The following DCAF6 variants were observed in gnomAD, a reference collection of about 807,000 sequenced individuals.
DCAF6 encodes DDB1 and CUL4 associated factor 6, also known as DDB1- and CUL4-associated factor 6.
Under a neutral mutation model 125.1 loss-of-function variants are expected in DCAF6, and 54 were observed. The ratio of observed to expected loss-of-function variants is 0.43; its 90% CI spans 0.35 to 0.54. DCAF6 has a LOEUF of 0.54. Ranked by LOEUF, DCAF6 falls within the 20% of genes least tolerant of loss-of-function variation. The pLI, the probability that DCAF6 is intolerant of heterozygous loss-of-function variation, is 0.01. For missense variants in DCAF6, 934 were observed against 1,161.7 expected, an observed-to-expected ratio of 0.80 and a Z score of 2.85; for synonymous variants, 371 against 390.4, an observed-to-expected ratio of 0.95 and a Z score of 0.58.
intron 2 of DCAF6, among the ~76,000 whole-genome samples, chr1:167,953,417 TAACA>T (rs1436083456): frequency 1.3e-5 from 2 of 152,230 alleles, no homozygotes; most frequent in Non-Finnish European, 2.9e-5. Context: ...GCATTATAAT[TAACA>T]AACCAATTTA....
the DCAF6 span, among the ~76,000 whole-genome samples, chr1:167,907,980 C>T: frequency 7.9e-5 from 12 of 152,076 alleles, no homozygotes; most frequent in Admixed American, 2.6e-4. Flanking sequence ...ATTGAAAGTA[C>T]GGCCATTATG....
the DCAF6 span, among the ~76,000 whole-genome samples, chr1:167,901,207 T>C: frequency 1.3e-5 from 2 of 152,348 alleles, no homozygotes; most frequent in Middle Eastern, 6.8e-3. Context: ...GCTGGAGCTG[T>C]GTTGCAGGCT....
rs746769749 is a variant in DCAF6 at position 167,936,863 on chromosome 1, C to T, written c.-49C>T. ...GAAACGGGTGTCCCCTCCCCCTCCT[C>T]CCCTCCCCCACGCGGTGGTCTCCCC... On this transcript the variant is annotated 5_prime_UTR_variant, in exon 1 of 22. Coordinates refer to ENST00000367840, the MANE Select transcript of DCAF6 (RefSeq NM_001198956.2). 5.2e-6 allele frequency: 6 copies of T among 1,145,722 alleles called. No homozygotes were observed. The highest frequency in any genetic ancestry group is 1.3e-5 in the South Asian group (1 of 76,092). The allele number at this position is 1,145,722 out of a possible 1,614,324, so 71.0% of individuals were successfully genotyped here. A position where few individuals can be genotyped will look rare whatever the true frequency, so the allele number is the denominator to read the frequency against.
At chr1:168,012,966 TAGAG>T (rs1684500902) in intron 10 of DCAF6, among the ~76,000 whole-genome samples, 2 of 152,182 alleles carry the variant, frequency 1.3e-5, no homozygotes, top group African/African-American at 2.4e-5. Context: ...GGTAACTCAA[TAGAG>T]AGGGTTGACA....
chr1:167,985,151 T>C (rs1353914545), intron 4 of DCAF6, among the ~76,000 whole-genome samples: 1 of 151,818 alleles, frequency 6.6e-6, no homozygotes, highest in African/African-American at 2.4e-5. Context: ...CAATTCAAGA[T>C]AAGATTTAGG....
At chr1:167,937,551 C>T (rs1671490921) in intron 1 of DCAF6, among the ~76,000 whole-genome samples, 2 of 152,172 alleles carry the variant, frequency 1.3e-5, no homozygotes, top group East Asian at 1.9e-4. Context: ...TGAGCTCTCC[C>T]CACCCCCGCG....
chr1:167,988,809 G>T (rs923026891), intron 5 of DCAF6, among the ~76,000 whole-genome samples: 6 of 152,038 alleles, frequency 3.9e-5, no homozygotes, highest in Non-Finnish European at 8.8e-5. Context: ...GGCTGGGTGC[G>T]GTGGCTCATG....
the DCAF6 span, among the ~76,000 whole-genome samples, chr1:167,878,104 A>T: frequency 6.6e-6 from 1 of 152,226 alleles, no homozygotes; most frequent in South Asian, 2.1e-4. Flanking sequence ...CTCGGCATAC[A>T]GTTGACATAA....
rs924378075 is a variant in DCAF6, at chr1:168,062,938, G to A, written c.2301-683G>A. Among the ~76,000 whole-genome samples, 114 of 146,502 alleles carry A rather than the reference G, an allele frequency of 7.8e-4. 1 individual carries two copies. The South Asian group carries it at 0.022, about 29-fold the overall frequency. Reference sequence around the variant, plus strand: ...CTTTTTTTTTTTTTTTTGAGACAGAGTCTCGCTCTGTCACCCAGGCTGGAG... The same window carrying A: ...CTTTTTTTTTTTTTTTTGAGACAGAATCTCGCTCTGTCACCCAGGCTGGAG... On this transcript the variant is annotated intron_variant, in intron 17 of 21. Coordinates refer to ENST00000367840, the MANE Select transcript of DCAF6 (RefSeq NM_001198956.2).
intron 4 of DCAF6, among the ~76,000 whole-genome samples, chr1:167,978,308 T>A (rs971386910): frequency 2.0e-5 from 3 of 152,196 alleles, no homozygotes. Context: ...TTTTCCAAAG[T>A]GTAGTAACGA....
Position 167,941,129 on chromosome 1 carries a change from G to A in DCAF6, c.97+4121G>A, listed in dbSNP as rs371742109. On this transcript the variant is annotated intron_variant, in intron 1 of 21. Transcript: ENST00000367840. Reference sequence around the variant, plus strand: ...CTTCTGACTTTTGCCTCTTTTTTTAGCCATTGGGGAAAAGTTAGTGAAATA... The same window carrying A: ...CTTCTGACTTTTGCCTCTTTTTTTAACCATTGGGGAAAAGTTAGTGAAATA... Among the ~76,000 whole-genome samples, 122 of 151,822 alleles carry A rather than the reference G, an allele frequency of 8.0e-4. 1 individual carries two copies. The South Asian group carries it at 0.023, about 28-fold the overall frequency.
Position 168,008,281 on chromosome 1 carries a change from T to C in DCAF6, c.1378+3488T>C, listed in dbSNP as rs144725303. Among the ~76,000 whole-genome samples the C allele has an allele frequency of 2.6e-3, 403 of 152,274 alleles. 2 individuals carry two copies. The highest frequency in any genetic ancestry group is 9.4e-3 in the African/African-American group (391 of 41,552). On this transcript the variant is annotated intron_variant, in intron 10 of 21. Transcript: ENST00000367840. ...ACTGCACCCGGCCTATTGTTGTACGTCATAAATCTACATGTTCAAACTAAA... is the reference window on the plus strand; with the variant it reads ...ACTGCACCCGGCCTATTGTTGTACGCCATAAATCTACATGTTCAAACTAAA...
Position 167,946,876 on chromosome 1 carries a change from G to A in DCAF6, c.98-4924G>A, listed in dbSNP as rs1027347620. 9.2e-5 allele frequency among the ~76,000 whole-genome samples: 14 copies of A among 152,258 alleles called. 1 individual carries two copies. The highest frequency in any genetic ancestry group is 2.1e-4 in the Non-Finnish European group (14 of 68,004). On this transcript the variant is annotated intron_variant, in intron 1 of 21. Coordinates refer to ENST00000367840, the MANE Select transcript of DCAF6 (RefSeq NM_001198956.2). ...CCTTCTTTGGTTTTGTTATCAGGGC[G>A]ATAATGGCCTTATAGAATAAGTTAG...
In DCAF6 at chr1:167,938,110, C is replaced by G. The variant is rs1414801356; in HGVS notation, c.97+1102C>G. On this transcript the variant is annotated intron_variant, in intron 1 of 21. Coordinates refer to ENST00000367840, the MANE Select transcript of DCAF6 (RefSeq NM_001198956.2). Reference sequence around the variant, plus strand: ...CGAATACATTTTGTTTATAAAAACTCAATAAAAATGAAGCAAAAATCCCTT... The same window carrying G: ...CGAATACATTTTGTTTATAAAAACTGAATAAAAATGAAGCAAAAATCCCTT... Among the ~76,000 whole-genome samples the G allele has an allele frequency of 1.3e-5, 2 of 152,110 alleles. 1 individual carries two copies. Among genetic ancestry groups the G allele is most frequent in the Non-Finnish European group, 2.9e-5 (2 of 68,006 alleles).
chr1:167,962,548 T>C lies in DCAF6; in HGVS notation c.160-4081T>C, dbSNP rs372264746. 3.3e-5 allele frequency among the ~76,000 whole-genome samples: 5 copies of C among 152,362 alleles called. No individual in the cohort carries two copies. The East Asian group carries it at 9.6e-4, about 29-fold the overall frequency. ...TCTTTTGATTTGTATTAGTATGATA[T>C]ATTTTTCTCAATCCATTTACTTTTA... is the stretch of plus-strand genomic sequence containing the variant. On this transcript the variant is annotated intron_variant, in intron 2 of 21. Coordinates refer to ENST00000367840, the MANE Select transcript of DCAF6 (RefSeq NM_001198956.2).
In DCAF6 at chr1:168,033,021, T is replaced by TA. The variant is rs1687300841; in HGVS notation, c.1610-5349dup. Among the ~76,000 whole-genome samples, 2 of 151,896 alleles carry TA rather than the reference T, an allele frequency of 1.3e-5. 1 individual carries two copies. The highest frequency in any genetic ancestry group is 4.2e-4 in the South Asian group (2 of 4,812). ...ATAAAATACTCAGCATTTTTTTTTT[T>TA]ACTATGGTTATCACATGTGTTTTTG... On this transcript the variant is annotated intron_variant, in intron 12 of 21. Transcript: ENST00000367840.
intron 10 of DCAF6, among the ~76,000 whole-genome samples, chr1:168,008,479 A>G (rs1683677486): frequency 6.6e-6 from 1 of 151,574 alleles, no homozygotes. Context: ...GGGTCTTTTC[A>G]TCTCACCATC....
At chr1:167,894,438 G>T in the DCAF6 span, among the ~76,000 whole-genome samples, 1 of 151,972 alleles carries the variant, frequency 6.6e-6, no homozygotes, top group African/African-American at 2.4e-5. Flanking sequence ...TCCTCACCTG[G>T]GAAAAGAGTA....
intron 7 of DCAF6, 74 bp from the exon 8 acceptor site, chr1:168,002,408 A>G: frequency 7.8e-7 from 1 of 1,285,938 alleles, no homozygotes; most frequent in Admixed American, 1.7e-5. Context: ...ATAAATAGAC[A>G]TAAAGTATGC....
Sources: allele counts gnomAD v4.1 joint callset (sites outside exome capture counted in the v4.1 genomes callset), GRCh38; gene constraint gnomAD v4.1.1; transcripts MANE v1.5; gene names NCBI Gene and HGNC (gene_info 2026-07-23, HGNC 2026-07-21).